Variants in CERS3 observed in about 807,000 individuals in gnomAD.
CERS3 encodes the protein ceramide synthase 3.
Under a neutral mutation model 50.3 loss-of-function variants are expected in CERS3, and 33 were observed. The observed-to-expected ratio is 0.66, with a 90% CI of 0.50 to 0.88. The LOEUF is 0.88. Ranked by LOEUF, CERS3 falls within the 40% of genes least tolerant of loss-of-function variation. The pLI is 0.00. For synonymous variants in CERS3, 176 were observed against 155.2 expected (o/e 1.13, Z -0.99); for missense variants, 470 against 460.3 (o/e 1.02, Z -0.19).
chr15:100,535,731 C>T (rs4328422), intron 1 of CERS3, among the ~76,000 whole-genome samples: 27,808 of 90,416 alleles, frequency 0.31, 3,936 homozygotes, highest in South Asian at 0.43. Flanking sequence ...TATCCCTATG[C>T]TCATATGTGC....
chr15:100,539,540 A>G (rs1189651282), intron 1 of CERS3, among the ~76,000 whole-genome samples: 1 of 152,186 alleles, frequency 6.6e-6, no homozygotes, highest in Non-Finnish European at 1.5e-5. Context: ...AGGGAAGAAA[A>G]GTGCTGAGTG....
chr15:100,415,606 C>G (rs948998306), intron 11 of CERS3, among the ~76,000 whole-genome samples: 4 of 152,134 alleles, frequency 2.6e-5, no homozygotes, highest in African/African-American at 9.7e-5. Flanking sequence ...GAATACTATG[C>G]AGTTATAAAA....
intron 11 of CERS3, among the ~76,000 whole-genome samples, chr15:100,408,404 G>A (rs2031225893): frequency 6.6e-6 from 1 of 152,154 alleles, no homozygotes; most frequent in South Asian, 2.1e-4. Context: ...CTACATGCAA[G>A]CACAGCACTG....
rs373165108 is a variant in CERS3, at chr15:100,513,524, G to T, written c.-2+8143C>A. 4.4e-5 allele frequency among the ~76,000 whole-genome samples: 6 copies of T among 136,836 alleles called. No individual in the cohort carries two copies. In the East Asian group the frequency reaches 1.1e-3, roughly 25 times the overall value. 89.8% of individuals were successfully genotyped at this position (136,836 alleles called of 152,430 possible). A position where few individuals can be genotyped will look rare whatever the true frequency, so the allele number is the denominator to read the frequency against. ...CTAATCTTTGAAAGCAAAAGGCAAA[G>T]TTCTTGTTTTCTTTTCTTTTTTTTT... On this transcript the variant is annotated intron_variant, in intron 2 of 11. Transcript: ENST00000679737.
At chr15:100,520,422 G>C (rs796468158) in intron 2 of CERS3, among the ~76,000 whole-genome samples, 7 of 152,094 alleles carry the variant, frequency 4.6e-5, no homozygotes, top group Non-Finnish European at 1.0e-4. Context: ...AGATCTGTTC[G>C]GGCTGTGTAG....
chr15:100,418,841 A>G (rs908907023), intron 11 of CERS3, among the ~76,000 whole-genome samples: 46 of 150,744 alleles, frequency 3.1e-4, no homozygotes, highest in Non-Finnish European at 5.0e-4. Context: ...AAGCTTCATA[A>G]GTGAAGGAGA....
At chr15:100,502,289 A>AAGAG (rs2036036146) in intron 2 of CERS3, among the ~76,000 whole-genome samples, 2 of 151,600 alleles carry the variant, frequency 1.3e-5, no homozygotes. Flanking sequence ...GAAAGAAAGA[A>AAGAG]AATAAGGCAA....
intron 11 of CERS3, among the ~76,000 whole-genome samples, chr15:100,411,033 A>G (rs1250366705): frequency 6.6e-6 from 1 of 152,178 alleles, no homozygotes; most frequent in Non-Finnish European, 1.5e-5. Context: ...GACTTTGTCA[A>G]TTCTAAGTAC....
chr15:100,402,404 T>C lies in CERS3; in HGVS notation c.*309A>G, dbSNP rs1596591409. 9.5e-6 allele frequency: 3 copies of C among 315,038 alleles called. No individual in the cohort carries two copies. In the East Asian group the frequency reaches 2.1e-4, roughly 22 times the overall value. The allele number at this position is 315,038 out of a possible 1,614,324, so 19.5% of individuals were successfully genotyped here. On this transcript the variant is annotated 3_prime_UTR_variant, in exon 12 of 12. Transcript: ENST00000679737. ...CAAGGTGGCGAGGCGAAAGGGTCTATAACAAAGCGAGCCCCTGAGAAAGTG... is the reference window on the plus strand; with the variant it reads ...CAAGGTGGCGAGGCGAAAGGGTCTACAACAAAGCGAGCCCCTGAGAAAGTG...
chr15:100,445,517 C>T (rs1371485191), intron 11 of CERS3, among the ~76,000 whole-genome samples: 2 of 152,032 alleles, frequency 1.3e-5, no homozygotes, highest in Non-Finnish European at 2.9e-5. Context: ...TCTCTTATTC[C>T]GTTTAGTTTT....
chr15:100,466,118 T>C (rs562940772), intron 10 of CERS3, among the ~76,000 whole-genome samples: 2 of 152,326 alleles, frequency 1.3e-5, no homozygotes, highest in East Asian at 3.9e-4. Context: ...TCAATTCTCC[T>C]TGAAAACCAG....
chr15:100,417,187 G>A (rs1218571019), intron 11 of CERS3, among the ~76,000 whole-genome samples: 2 of 151,704 alleles, frequency 1.3e-5, no homozygotes, highest in Admixed American at 6.6e-5. Context: ...CATCTCACTA[G>A]GGAGTGCCAG....
chr15:100,464,878 C>T lies in CERS3; in HGVS notation c.845+4500G>A, dbSNP rs919115857. On this transcript the variant is annotated intron_variant, in intron 10 of 11. Coordinates refer to ENST00000679737, the MANE Select transcript of CERS3 (RefSeq NM_001378789.1). Reference sequence around the variant, plus strand: ...AATGAAACAATGCTTAGAAAACCAACGTAACTAACTCTTGCAGATGCTGAC... The same window carrying T: ...AATGAAACAATGCTTAGAAAACCAATGTAACTAACTCTTGCAGATGCTGAC... Among the ~76,000 whole-genome samples the T allele has an allele frequency of 2.6e-5, 4 of 152,260 alleles. No homozygotes were observed. In the East Asian group the frequency reaches 5.8e-4, roughly 22 times the overall value.
At chr15:100,522,148 C>T (rs867531629) in intron 1 of CERS3, among the ~76,000 whole-genome samples, 3 of 152,194 alleles carry the variant, frequency 2.0e-5, no homozygotes, top group African/African-American at 4.8e-5. Context: ...TGAATTATGT[C>T]GTCAAGTCAG....
chr15:100,465,458 C>T (rs1008483592), intron 10 of CERS3, among the ~76,000 whole-genome samples: 24 of 145,804 alleles, frequency 1.6e-4, no homozygotes, highest in Non-Finnish European at 2.1e-4. Flanking sequence ...GGTGGGAAGA[C>T]CATTTAAACT....
chr15:100,518,201 T>G (rs1375836321), intron 2 of CERS3, among the ~76,000 whole-genome samples: 1 of 152,088 alleles, frequency 6.6e-6, no homozygotes, highest in African/African-American at 2.4e-5. Context: ...CGATTTTAAA[T>G]AGATAGGGGG....
chr15:100,418,703 G>A (rs1468517526), intron 11 of CERS3, among the ~76,000 whole-genome samples: 1 of 133,904 alleles, frequency 7.5e-6, no homozygotes, highest in East Asian at 2.1e-4. Flanking sequence ...TACCCTCAAA[G>A]GGAAGCCCAT....
At chr15:100,438,516 C>T (rs1567614911) in intron 11 of CERS3, among the ~76,000 whole-genome samples, 1 of 152,126 alleles carries the variant, frequency 6.6e-6, no homozygotes, top group Admixed American at 6.5e-5. Context: ...TTTACCTTAA[C>T]TCAAATAAAG....
rs1443417306 is a variant in CERS3, at chr15:100,523,451, C to T, written c.-91-1695G>A. Among the ~76,000 whole-genome samples, 4 of 152,030 alleles carry T rather than the reference C, an allele frequency of 2.6e-5. No homozygotes were observed. In the South Asian group the frequency reaches 6.2e-4, roughly 24 times the overall value. ...GTGTAGTGGCTCACACCTGTAATCC[C>T]AGCACTTTGGGAGGCTGAGGCAAGC... is the stretch of plus-strand genomic sequence containing the variant. On this transcript the variant is annotated intron_variant, in intron 1 of 11. Transcript: ENST00000679737.
Sources: allele counts gnomAD v4.1 joint callset (sites outside exome capture counted in the v4.1 genomes callset), GRCh38; gene constraint gnomAD v4.1.1; transcripts MANE v1.5; gene names NCBI Gene and HGNC (gene_info 2026-07-23, HGNC 2026-07-21).